The following HS6ST3 variants were observed in gnomAD, a reference collection of about 807,000 sequenced individuals.
HS6ST3 encodes the protein heparan sulfate 6-O-sulfotransferase 3, also known as heparan-sulfate 6-O-sulfotransferase 3.
HS6ST3 carries 12 observed loss-of-function variants against 36.7 expected under a neutral mutation model. The observed-to-expected ratio is 0.33, with a 90% CI of 0.21 to 0.53. HS6ST3 has a LOEUF of 0.53. Ranked by LOEUF, HS6ST3 falls within the 20% of genes least tolerant of loss-of-function variation. HS6ST3 has a pLI of 0.95. For synonymous variants in HS6ST3, 240 were observed against 257.5 expected (o/e 0.93, Z 0.65); for missense variants, 584 against 640.9 (o/e 0.91, Z 0.96).
chr13:96,568,918 A>G (rs2056291304), intron 1 of HS6ST3, among the ~76,000 whole-genome samples: 3 of 152,218 alleles, frequency 2.0e-5, no homozygotes, highest in Non-Finnish European at 2.9e-5. Context: ...CTTTTCCAAA[A>G]TCATCCATAA....
chr13:96,209,115 C>T (rs2054386256), intron 1 of HS6ST3, among the ~76,000 whole-genome samples: 1 of 152,094 alleles, frequency 6.6e-6, no homozygotes, highest in Admixed American at 6.6e-5. Context: ...GCGGATTTGA[C>T]TAGTAGGAGA....
rs190237352 is a variant in HS6ST3, at chr13:96,525,412, G to A, written c.708-307078G>A. ...TCCCCTCCCTTCCTAGTTACCAGTG[G>A]ACTCTGAATTTTCAGGTTGCTCTGG... On this transcript the variant is annotated intron_variant, in intron 1 of 1. Transcript: ENST00000376705. 6.4e-3 allele frequency among the ~76,000 whole-genome samples: 978 copies of A among 152,148 alleles called. 17 individuals are homozygous for A. The highest frequency in any genetic ancestry group is 0.022 in the African/African-American group (908 of 41,486).
At chr13:96,247,041 A>G (rs2054587908) in intron 1 of HS6ST3, among the ~76,000 whole-genome samples, 1 of 152,116 alleles carries the variant, frequency 6.6e-6, no homozygotes, top group African/African-American at 2.4e-5. Flanking sequence ...TTTTAGAGAG[A>G]TTATTTTGTA....
intron 1 of HS6ST3, among the ~76,000 whole-genome samples, chr13:96,341,341 T>A (rs1447997148): frequency 6.6e-6 from 1 of 151,666 alleles, no homozygotes; most frequent in Non-Finnish European, 1.5e-5. Flanking sequence ...TTTCTTCACA[T>A]TGAGCAACCT....
intron 1 of HS6ST3, among the ~76,000 whole-genome samples, chr13:96,224,326 G>A (rs1179584827): frequency 1.3e-5 from 2 of 152,016 alleles, no homozygotes; most frequent in South Asian, 2.1e-4. Flanking sequence ...GAGATGAGCT[G>A]TTTGTCACTT....
intron 1 of HS6ST3, among the ~76,000 whole-genome samples, chr13:96,338,430 G>T (rs182276086): frequency 8.5e-5 from 13 of 152,276 alleles, no homozygotes; most frequent in Non-Finnish European, 1.8e-4. Context: ...ACATCTCTGA[G>T]CTCAGAATCC....
intron 1 of HS6ST3, among the ~76,000 whole-genome samples, chr13:96,537,707 A>G (rs930698265): frequency 2.6e-5 from 4 of 152,236 alleles, no homozygotes; most frequent in African/African-American, 7.2e-5. Flanking sequence ...GACATTAGAA[A>G]TCATTTTATC....
intron 1 of HS6ST3, among the ~76,000 whole-genome samples, chr13:96,284,787 C>A (rs1351930148): frequency 6.9e-6 from 1 of 144,512 alleles, no homozygotes; most frequent in Non-Finnish European, 1.5e-5. Flanking sequence ...TGCTTGCTTG[C>A]TTTTCTCTCC....
chr13:96,395,298 C>T (rs1211227116), intron 1 of HS6ST3, among the ~76,000 whole-genome samples: 1 of 152,152 alleles, frequency 6.6e-6, no homozygotes, highest in Non-Finnish European at 1.5e-5. Context: ...GAGATTGTTC[C>T]TATTTTGTAA....
chr13:96,760,184 C>T (rs918984116), intron 1 of HS6ST3, among the ~76,000 whole-genome samples: 6 of 151,884 alleles, frequency 4.0e-5, no homozygotes, highest in Non-Finnish European at 7.4e-5. Flanking sequence ...TTTTATATTG[C>T]ACTACCATGG....
At chr13:96,491,472 C>CAAAAA (rs10632047) in intron 1 of HS6ST3, among the ~76,000 whole-genome samples, 2 of 123,724 alleles carry the variant, frequency 1.6e-5, no homozygotes, top group African/African-American at 6.4e-5. Context: ...TACTAATGTG[C>CAAAAA]AAAAAAAAAA....
intron 1 of HS6ST3, among the ~76,000 whole-genome samples, chr13:96,545,125 T>C (rs1478467066): frequency 6.6e-6 from 1 of 152,208 alleles, no homozygotes; most frequent in Non-Finnish European, 1.5e-5. Flanking sequence ...TTATGCAGCC[T>C]GTGTCAGCCA....
intron 1 of HS6ST3, among the ~76,000 whole-genome samples, chr13:96,710,202 T>G (rs752727285): frequency 6.6e-6 from 1 of 152,222 alleles, no homozygotes; most frequent in Non-Finnish European, 1.5e-5. Flanking sequence ...ATTTTGAAAA[T>G]GGCCAAAAAA....
chr13:96,744,019 T>C (rs973438100), intron 1 of HS6ST3, among the ~76,000 whole-genome samples: 5 of 152,058 alleles, frequency 3.3e-5, no homozygotes, highest in African/African-American at 1.2e-4. Context: ...ATGCATGTGA[T>C]TTTTTTATTT....
At chr13:96,585,657 T>G (rs2138971954) in intron 1 of HS6ST3, among the ~76,000 whole-genome samples, 1 of 152,312 alleles carries the variant, frequency 6.6e-6, no homozygotes, top group South Asian at 2.1e-4. Context: ...TGCTCTCTAG[T>G]TCTGTGAGAT....
chr13:96,203,489 G>A (rs1381347966), intron 1 of HS6ST3, among the ~76,000 whole-genome samples: 5 of 152,150 alleles, frequency 3.3e-5, no homozygotes, highest in Middle Eastern at 3.2e-3. Flanking sequence ...ATTCTGGGGG[G>A]ACATAAACAT....
intron 1 of HS6ST3, among the ~76,000 whole-genome samples, chr13:96,330,321 C>T (rs898895612): frequency 5.3e-5 from 8 of 151,954 alleles, no homozygotes; most frequent in Non-Finnish European, 7.4e-5. Flanking sequence ...CGGCCGGTAC[C>T]GGTTGTTCCT....
chr13:96,231,493 C>T (rs922555021), intron 1 of HS6ST3, among the ~76,000 whole-genome samples: 4 of 152,034 alleles, frequency 2.6e-5, no homozygotes, highest in African/African-American at 9.7e-5. Context: ...GTGTGTCTTA[C>T]ATGGCCAGAG....
chr13:96,726,114 G>A (rs1876000796), intron 1 of HS6ST3, among the ~76,000 whole-genome samples: 1 of 152,170 alleles, frequency 6.6e-6, no homozygotes, highest in African/African-American at 2.4e-5. Flanking sequence ...GGGATTACAG[G>A]TGTGAGCCAC....
Sources: allele counts gnomAD v4.1 joint callset (sites outside exome capture counted in the v4.1 genomes callset), GRCh38; gene constraint gnomAD v4.1.1; transcripts MANE v1.5; gene names NCBI Gene and HGNC (gene_info 2026-07-23, HGNC 2026-07-21).